The following CDADC1 variants were observed in gnomAD, a reference collection of about 807,000 sequenced individuals.
CDADC1 encodes the protein cytidine and dCMP deaminase domain containing 1.
In CDADC1, 39 loss-of-function variants were observed where a neutral mutation model predicts 54.9. The ratio of observed to expected loss-of-function variants is 0.71; its 90% CI spans 0.55 to 0.93. The LOEUF is 0.93. Among genes scored for constraint, CDADC1 ranks in the 40% least tolerant of loss-of-function variants. The pLI is 0.00. For synonymous variants in CDADC1, 186 were observed against 204.0 expected, an observed-to-expected ratio of 0.91 and a Z score of 0.75; for missense variants, 518 against 618.8, an observed-to-expected ratio of 0.84 and a Z score of 1.73.
At chr13:49,269,700 T>G in intron 5 of CDADC1, among the ~76,000 whole-genome samples, 1 of 152,244 alleles carries the variant, frequency 6.6e-6, no homozygotes, top group Non-Finnish European at 1.5e-5. Flanking sequence ...CTAATTAGAA[T>G]TCAGCAGAAC....
In CDADC1 at chr13:49,248,879, C is replaced by T; in HGVS notation, c.91C>T (p.Pro31Ser). Reference sequence around the variant, plus strand: ...TGTCGTCTCTTTTGTAGGTCAGATACCAAGGCTTTCTAAAGTCAACCTTTT... The same window carrying T: ...TGTCGTCTCTTTTGTAGGTCAGATATCAAGGCTTTCTAAAGTCAACCTTTT... ...TQTGSMTGQI[P>S]RLSKVNLFTL... The change falls in exon 2 of 10, where the codon CCA becomes TCA. Residue 31 changes from proline to serine, a missense_variant. Coordinates refer to ENST00000251108, the MANE Select transcript of CDADC1 (RefSeq NM_030911.4). The T allele has an allele frequency of 6.2e-7, 1 of 1,603,044 alleles. No homozygotes were observed. Among genetic ancestry groups the T allele is most frequent in the Non-Finnish European group, 8.5e-7 (1 of 1,169,854 alleles).
Position 49,291,832 on chromosome 13 carries a change from G to C in CDADC1, c.*75G>C. 1.3e-6 allele frequency: 2 copies of C among 1,535,634 alleles called. No homozygotes were observed. Among genetic ancestry groups the C allele is most frequent in the Admixed American group, 2.2e-5 (1 of 44,800 alleles). On this transcript the variant is annotated 3_prime_UTR_variant, in exon 10 of 10. Coordinates refer to ENST00000251108, the MANE Select transcript of CDADC1 (RefSeq NM_030911.4). Reference sequence around the variant, plus strand: ...TCTAAAATTCAGCCTTGTTCATTCAGAAAATAAGGATGGATTTTGTGAATA... The same window carrying C: ...TCTAAAATTCAGCCTTGTTCATTCACAAAATAAGGATGGATTTTGTGAATA...
At chr13:49,271,921 C>T (rs997985505) in intron 5 of CDADC1, among the ~76,000 whole-genome samples, 1 of 152,186 alleles carries the variant, frequency 6.6e-6, no homozygotes, top group East Asian at 1.9e-4. Flanking sequence ...TGTCACCAGC[C>T]TTGATGCTGA....
chr13:49,257,408 G>A (rs1251673748), intron 3 of CDADC1, among the ~76,000 whole-genome samples: 1 of 152,040 alleles, frequency 6.6e-6, no homozygotes, highest in East Asian at 1.9e-4. Context: ...CACTGGTTAC[G>A]TTGGTTCAAT....
intron 8 of CDADC1, among the ~76,000 whole-genome samples, chr13:49,285,830 T>TC (rs1055207732): frequency 6.9e-6 from 1 of 145,044 alleles, no homozygotes; most frequent in African/African-American, 2.6e-5. Flanking sequence ...TTTTTTTTTT[T>TC]CAAGATGGAG....
chr13:49,249,809 C>T (rs775046983), intron 2 of CDADC1, among the ~76,000 whole-genome samples: 5 of 152,064 alleles, frequency 3.3e-5, no homozygotes, highest in East Asian at 1.9e-4. Flanking sequence ...AAACATCCTG[C>T]GTCTTTTCTT....
intron 2 of CDADC1, among the ~76,000 whole-genome samples, 161 bp downstream of exon 2, chr13:49,249,126 A>G (rs1952364170): frequency 6.6e-6 from 1 of 152,272 alleles, no homozygotes; most frequent in Non-Finnish European, 1.5e-5. Context: ...CCCAGCCGTA[A>G]TAAGTCATCT....
At chr13:49,267,434 G>GA (rs1219159818) in intron 4 of CDADC1, 56 bp from the exon 5 acceptor site, 5 of 1,404,560 alleles carry the variant, frequency 3.6e-6, no homozygotes, top group Non-Finnish European at 4.9e-6. Flanking sequence ...ATTTTATAAT[G>GA]AAAACCCTAA....
chr13:49,249,537 C>A (rs1399507558), intron 2 of CDADC1, among the ~76,000 whole-genome samples: 2 of 152,228 alleles, frequency 1.3e-5, no homozygotes, highest in African/African-American at 4.8e-5. Flanking sequence ...AGTTCAAAAC[C>A]AGCCTGGGCA....
intron 4 of CDADC1, among the ~76,000 whole-genome samples, chr13:49,260,608 G>A (rs1420612297): frequency 2.0e-5 from 3 of 152,120 alleles, no homozygotes; most frequent in Admixed American, 6.5e-5. Flanking sequence ...ATAGCCATCC[G>A]TCCACACCAG....
chr13:49,249,085 T>A (rs1952362627), intron 2 of CDADC1, 120 bp downstream of exon 2: 2 of 648,566 alleles, frequency 3.1e-6, no homozygotes, highest in Non-Finnish European at 5.5e-6. Flanking sequence ...TTAAAAAATA[T>A]CTTTATTGAT....
intron 8 of CDADC1, 120 bp downstream of exon 8, chr13:49,280,818 AT>A (rs1953301725): frequency 4.5e-6 from 1 of 220,092 alleles, no homozygotes; most frequent in Admixed American, 5.9e-5. Context: ...TATTATTATT[AT>A]TATTATTATT....
In CDADC1 at chr13:49,292,658, G is replaced by A; in HGVS notation, c.*901G>A. Reference sequence around the variant, plus strand: ...CTCAAGAATAAATACTGAAAGTCTTGAAAGTATGGTCATTTCAGCTATTCC... The same window carrying A: ...CTCAAGAATAAATACTGAAAGTCTTAAAAGTATGGTCATTTCAGCTATTCC... On this transcript the variant is annotated 3_prime_UTR_variant, in exon 10 of 10. Transcript: ENST00000251108. 1 of 1,202,772 alleles carries A rather than the reference G, an allele frequency of 8.3e-7. No homozygotes were observed. The highest frequency in any genetic ancestry group is 1.1e-6 in the Non-Finnish European group (1 of 950,248). 74.5% of individuals were successfully genotyped at this position (1,202,772 alleles called of 1,614,324 possible). A position where few individuals can be genotyped will look rare whatever the true frequency, so the allele number is the denominator to read the frequency against.
intron 3 of CDADC1, among the ~76,000 whole-genome samples, chr13:49,258,314 C>A (rs1163010600): frequency 6.6e-6 from 1 of 152,214 alleles, no homozygotes; most frequent in Non-Finnish European, 1.5e-5. Context: ...CTCTCCTTAG[C>A]CCAAGCTCCC....
rs563045289 is a variant in CDADC1 at position 49,289,928 on chromosome 13, C to G, written c.1472-1756C>G. On this transcript the variant is annotated intron_variant, in intron 9 of 9. Transcript: ENST00000251108. ...TGGCATGGTGGCCTGTGCCTGTAGT[C>G]CCAGCTACCGCAGAGGCTGACATAG... 2.6e-5 allele frequency among the ~76,000 whole-genome samples: 4 copies of G among 152,212 alleles called. No individual in the cohort carries two copies. The South Asian group carries it at 8.3e-4, about 32-fold the overall frequency.
intron 9 of CDADC1, among the ~76,000 whole-genome samples, chr13:49,290,249 GTTT>G (rs1156246568): frequency 2.0e-5 from 3 of 151,198 alleles, no homozygotes; most frequent in Non-Finnish European, 4.4e-5. Context: ...AGTATGTTTT[GTTT>G]TTTTTCCATC....
chr13:49,248,518 G>C (rs567915971), intron 1 of CDADC1: 1 of 313,642 alleles, frequency 3.2e-6, no homozygotes, highest in Admixed American at 4.5e-5. Flanking sequence ...TTTTAGCAAC[G>C]CCCCATCACA....
chr13:49,283,860 G>T (rs1252062482), intron 8 of CDADC1, among the ~76,000 whole-genome samples: 1 of 152,280 alleles, frequency 6.6e-6, no homozygotes, highest in Non-Finnish European at 1.5e-5. Flanking sequence ...TGGCCTGGCT[G>T]CAAATATTAT....
At chr13:49,248,726 C>A in intron 1 of CDADC1, 145 bp from the exon 2 acceptor site, 1 of 658,820 alleles carries the variant, frequency 1.5e-6, no homozygotes, top group East Asian at 2.5e-5. Flanking sequence ...TGCTAAGATA[C>A]CTCTGACTCT....
Sources: allele counts gnomAD v4.1 joint callset (sites outside exome capture counted in the v4.1 genomes callset), GRCh38; gene constraint gnomAD v4.1.1; transcripts MANE v1.5; gene names NCBI Gene and HGNC (gene_info 2026-07-23, HGNC 2026-07-21).